The following ADGRL2 variants were observed in gnomAD, a reference collection of about 807,000 sequenced individuals.
ADGRL2 encodes the protein calcium-independent alpha-latrotoxin receptor 2.
ADGRL2 carries 44 observed loss-of-function variants against 157.4 expected under a neutral mutation model. That is an observed-to-expected ratio of 0.28 (90% CI 0.22 to 0.36). ADGRL2 has a LOEUF of 0.36. Among genes scored for constraint, ADGRL2 ranks in the 10% least tolerant of loss-of-function variants. The pLI, the probability that ADGRL2 is intolerant of heterozygous loss-of-function variation, is 1.00. For synonymous variants in ADGRL2, 585 were observed against 624.7 expected (o/e 0.94, Z 0.95); for missense variants, 1,510 against 1,768.9 (o/e 0.85, Z 2.63).
intron 1 of ADGRL2, among the ~76,000 whole-genome samples, chr1:81,755,011 G>C (rs1181504906): frequency 6.6e-6 from 1 of 151,604 alleles, no homozygotes; most frequent in Non-Finnish European, 1.5e-5. Context: ...GCTACACTAA[G>C]AAATTTGTGA....
Position 81,969,156 on chromosome 1 carries a change from C to G in ADGRL2, c.2524-22C>G, listed in dbSNP as rs1558020640. The G allele has an allele frequency of 6.5e-6, 10 of 1,543,220 alleles. No individual in the cohort carries two copies. In the Admixed American group the frequency reaches 1.3e-4, roughly 21 times the overall value. On this transcript the variant is annotated intron_variant, in intron 14 of 23. Transcript: ENST00000686636. ...GATGTAATGCAGGAATACTAATGTT[C>G]CTCATATCTTTTTATTTTCAGTATA...
At chr1:81,951,753 C>T (rs1572329769) in intron 8 of ADGRL2, among the ~76,000 whole-genome samples, 2 of 151,542 alleles carry the variant, frequency 1.3e-5, no homozygotes, top group East Asian at 3.9e-4. Flanking sequence ...CTTTTAAATG[C>T]CTGGTTCAGA....
Position 81,805,146 on chromosome 1 carries a change from ATTTG to A in ADGRL2, c.-101+4081_-101+4084del, listed in dbSNP as rs2088925542. Among the ~76,000 whole-genome samples the A allele has an allele frequency of 1.2e-4, 19 of 152,206 alleles. No individual in the cohort carries two copies. The South Asian group carries it at 3.7e-3, about 30-fold the overall frequency. On this transcript the variant is annotated intron_variant, in intron 1 of 23. Coordinates refer to ENST00000686636, the MANE Select transcript of ADGRL2 (RefSeq NM_001366006.2). ...TGGTTTATTTTAAAAAATATAGTTT[ATTTG>A]TTCTTGCTTTTTTATGTTTACAGAG...
intron 2 of ADGRL2, among the ~76,000 whole-genome samples, chr1:81,839,605 C>T (rs1434896710): frequency 6.6e-6 from 1 of 151,714 alleles, no homozygotes; most frequent in Non-Finnish European, 1.5e-5. Flanking sequence ...AGCTTAGCTC[C>T]TACATATCAG....
intron 1 of ADGRL2, among the ~76,000 whole-genome samples, chr1:81,347,312 A>G (rs1487258621): frequency 6.6e-6 from 1 of 152,074 alleles, no homozygotes; most frequent in Admixed American, 6.6e-5. Context: ...GAGGCAGGAG[A>G]ATCGCTTGAA....
At chr1:81,922,035 C>G (rs1394406342) in intron 3 of ADGRL2, among the ~76,000 whole-genome samples, 1 of 152,072 alleles carries the variant, frequency 6.6e-6, no homozygotes, top group East Asian at 1.9e-4. Flanking sequence ...GCATATGATT[C>G]AGAGACTCTT....
intron 1 of ADGRL2, among the ~76,000 whole-genome samples, chr1:81,741,059 C>T (rs926420293): frequency 6.6e-6 from 1 of 150,994 alleles, no homozygotes; most frequent in East Asian, 1.9e-4. Context: ...GTCTTATGTC[C>T]GTTTTGTGTA....
At chr1:81,931,097 C>G (rs1261195609) in intron 3 of ADGRL2, among the ~76,000 whole-genome samples, 1 of 152,130 alleles carries the variant, frequency 6.6e-6, no homozygotes, top group Non-Finnish European at 1.5e-5. Flanking sequence ...TGCAGTGAGC[C>G]AAGATCGTGC....
chr1:81,836,869 T>G lies in ADGRL2; in HGVS notation c.-100-16T>G. On this transcript the variant is annotated splice_polypyrimidine_tract_variant and intron_variant, in intron 1 of 23. Coordinates refer to ENST00000686636, the MANE Select transcript of ADGRL2 (RefSeq NM_001366006.2). ...GAAAGACCATAGAGTAAGTGATGGA[T>G]TTGTTTGTTTTTCAGATATGAAGAT... 1 of 607,334 alleles carries G rather than the reference T, an allele frequency of 1.6e-6. No homozygotes were observed. The highest frequency in any genetic ancestry group is 2.9e-6 in the Non-Finnish European group (1 of 342,334). 37.6% of individuals were successfully genotyped at this position (607,334 alleles called of 1,614,324 possible).
At chr1:81,917,562 GT>G (rs2094885300) in intron 3 of ADGRL2, among the ~76,000 whole-genome samples, 1 of 152,120 alleles carries the variant, frequency 6.6e-6, no homozygotes. Flanking sequence ...ACATTTAAAT[GT>G]TGTATAAATA....
At chr1:81,570,193 G>C (rs750440139) in intron 2 of ADGRL2, among the ~76,000 whole-genome samples, 1 of 152,116 alleles carries the variant, frequency 6.6e-6, no homozygotes, top group Non-Finnish European at 1.5e-5. Flanking sequence ...GATTATCAAG[G>C]AACAGGGATC....
chr1:81,914,610 A>G (rs909721491), intron 3 of ADGRL2, among the ~76,000 whole-genome samples: 6 of 152,198 alleles, frequency 3.9e-5, no homozygotes, highest in Admixed American at 3.3e-4. Flanking sequence ...CCATTAGGGT[A>G]AAATACATAC....
intron 1 of ADGRL2, among the ~76,000 whole-genome samples, chr1:81,375,693 G>A (rs1006734123): frequency 4.6e-5 from 7 of 152,086 alleles, no homozygotes; most frequent in East Asian, 1.9e-4. Flanking sequence ...TTATTTACCA[G>A]TATCTTATTT....
At chr1:81,440,281 C>A (rs1260131732) in intron 1 of ADGRL2, among the ~76,000 whole-genome samples, 2 of 152,204 alleles carry the variant, frequency 1.3e-5, no homozygotes, top group Non-Finnish European at 2.9e-5. Flanking sequence ...CGGGTACCCA[C>A]CCCTAGCTGC....
intron 2 of ADGRL2, among the ~76,000 whole-genome samples, chr1:81,895,815 T>G (rs75326374): frequency 0.06 from 9,178 of 152,182 alleles, 416 homozygotes; most frequent in Middle Eastern, 0.14. Flanking sequence ...AAATCCAAAT[T>G]TTTACTCTGT....
intron 2 of ADGRL2, among the ~76,000 whole-genome samples, chr1:81,894,567 C>A (rs2094340913): frequency 6.6e-6 from 1 of 151,818 alleles, no homozygotes; most frequent in African/African-American, 2.4e-5. Context: ...AAAGAGTCAT[C>A]TGTGTTAGTA....
intron 3 of ADGRL2, among the ~76,000 whole-genome samples, chr1:81,584,864 G>C (rs2080992713): frequency 6.6e-6 from 1 of 152,124 alleles, no homozygotes; most frequent in Admixed American, 6.6e-5. Flanking sequence ...AGAGTTACCT[G>C]GTGGAAAGGT....
At chr1:81,900,098 T>A (rs2094459812) in intron 2 of ADGRL2, among the ~76,000 whole-genome samples, 1 of 152,164 alleles carries the variant, frequency 6.6e-6, no homozygotes, top group Non-Finnish European at 1.5e-5. Flanking sequence ...AACTTCCTCC[T>A]CTGTAAAATG....
In ADGRL2 at chr1:81,850,235, A is replaced by G. The variant is rs550654852; in HGVS notation, c.73+13178A>G. 7.1e-4 allele frequency among the ~76,000 whole-genome samples: 108 copies of G among 151,970 alleles called. 1 individual carries two copies. The highest frequency in any genetic ancestry group is 2.5e-3 in the African/African-American group (104 of 41,524). On this transcript the variant is annotated intron_variant, in intron 2 of 23. Transcript: ENST00000686636. ...TCTTACAGCTGTCTAATATCAGTCT[A>G]TTGTAGTGAGTGAAGTTAAGAGGCA...
Sources: gnomAD v4.1 joint callset for allele counts (sites outside exome capture counted in the v4.1 genomes callset) on GRCh38, gnomAD v4.1.1 for gene constraint, MANE v1.5 for transcripts, NCBI Gene and HGNC (gene_info 2026-07-23, HGNC 2026-07-21) for gene names.